The following OPHN1 variants were observed in gnomAD, a reference collection of about 807,000 sequenced individuals.
OPHN1 encodes oligophrenin-1.
In OPHN1, 11 loss-of-function variants were observed where a neutral mutation model predicts 60.7. That is an observed-to-expected ratio of 0.18 (90% CI 0.11 to 0.30). OPHN1 has a LOEUF of 0.30. Ranked by LOEUF, OPHN1 falls within the 10% of genes least tolerant of loss-of-function variation. The probability of loss-of-function intolerance (pLI) is 1.00; values close to 1 mark genes in which losing one functional copy is unlikely to be tolerated. For missense variants in OPHN1, 449 were observed against 611.0 expected (o/e 0.73, Z 2.80); for synonymous variants, 226 against 222.6 (o/e 1.02, Z -0.14).
chrX:68,078,056 T>A (rs1387736996), intron 19 of OPHN1, among the ~76,000 whole-genome samples: 1 of 111,720 alleles, frequency 9.0e-6, no homozygotes, highest in African/African-American at 3.3e-5. Flanking sequence ...ACATGAGTAT[T>A]TGTCTAGCTT....
Position 68,411,008 on chromosome X carries a change from C to A in OPHN1, c.154+21859G>T, listed in dbSNP as rs778647207. Among the ~76,000 whole-genome samples, 4 of 112,170 alleles carry A rather than the reference C, an allele frequency of 3.6e-5. No homozygotes were observed. The South Asian group carries it at 1.5e-3, about 42-fold the overall frequency. On this transcript the variant is annotated intron_variant, in intron 2 of 24. Coordinates refer to ENST00000355520, the MANE Select transcript of OPHN1 (RefSeq NM_002547.3). Reference sequence around the variant, plus strand: ...ATCAGGGCTAAGGGAAAACTCCCTCCATCCTTGCTGGTTCTCTGAAAAATC... The same window carrying A: ...ATCAGGGCTAAGGGAAAACTCCCTCAATCCTTGCTGGTTCTCTGAAAAATC...
At chrX:68,172,384 A>G (rs1199510511) in intron 15 of OPHN1, among the ~76,000 whole-genome samples, 1 of 112,006 alleles carries the variant, frequency 8.9e-6, no homozygotes, top group Non-Finnish European at 1.9e-5. Context: ...TCATAATTCC[A>G]TTTTTATGAA....
chrX:68,140,867 T>C (rs1241837283), intron 15 of OPHN1, among the ~76,000 whole-genome samples: 2 of 111,362 alleles, frequency 1.8e-5, no homozygotes, highest in African/African-American at 6.5e-5. Flanking sequence ...TACTGATAGA[T>C]GCAGCTAACT....
At chrX:68,266,178 C>A (rs760347196) in intron 5 of OPHN1, among the ~76,000 whole-genome samples, 1 of 110,537 alleles carries the variant, frequency 9.0e-6, no homozygotes, top group Admixed American at 9.6e-5. Flanking sequence ...ATACAGAGAA[C>A]GCCACAAAGA....
At chrX:68,330,095 T>C (rs2078287012) in intron 2 of OPHN1, among the ~76,000 whole-genome samples, 1 of 105,740 alleles carries the variant, frequency 9.5e-6, no homozygotes, top group South Asian at 4.1e-4. Context: ...CTTCTTTTTC[T>C]TTTTTTTTTT....
Position 68,377,479 on chromosome X carries a change from G to A in OPHN1, c.154+55388C>T, listed in dbSNP as rs1452833885. On this transcript the variant is annotated intron_variant, in intron 2 of 24. Transcript: ENST00000355520. ...AAGTTCTAGGGTACATGTGCATAAT[G>A]TGCAGGTTAGTTACATATGTATACA... Among the ~76,000 whole-genome samples, 10 of 105,658 alleles carry A rather than the reference G, an allele frequency of 9.5e-5. No individual in the cohort carries two copies. In the South Asian group the frequency reaches 1.3e-3, roughly 14 times the overall value. The allele number at this position is 105,658 out of a possible 115,157, so 91.8% of individuals were successfully genotyped here. A position where few individuals can be genotyped will look rare whatever the true frequency, so the allele number is the denominator to read the frequency against.
intron 2 of OPHN1, among the ~76,000 whole-genome samples, chrX:68,374,540 C>A (rs754663970): frequency 1.3e-4 from 14 of 110,332 alleles, no homozygotes; most frequent in African/African-American, 4.6e-4. Flanking sequence ...CAGCCTTGAT[C>A]TCTCCAGCTG....
chrX:68,270,182 A>G lies in OPHN1; in HGVS notation c.384+4556T>C, dbSNP rs1257665603. ...CAACCCTTGTGGAAGTCAGTGTGGC[A>G]ATTCCTCAGGGATCTAGAACTAGAA... On this transcript the variant is annotated intron_variant, in intron 5 of 24. Transcript: ENST00000355520. 2.1e-4 allele frequency among the ~76,000 whole-genome samples: 23 copies of G among 111,292 alleles called. No individual in the cohort carries two copies. The East Asian group carries it at 2.9e-3, about 14-fold the overall frequency.
chrX:68,108,734 T>C (rs1356950693), intron 18 of OPHN1, among the ~76,000 whole-genome samples: 1 of 112,051 alleles, frequency 8.9e-6, no homozygotes, highest in Non-Finnish European at 1.9e-5. Flanking sequence ...AAATAATTGC[T>C]TTCTCTCTGT....
chrX:68,126,652 C>A (rs909811410), intron 15 of OPHN1, among the ~76,000 whole-genome samples: 2 of 111,438 alleles, frequency 1.8e-5, no homozygotes, highest in African/African-American at 6.5e-5. Context: ...ACCATATTGG[C>A]CAGAATGGTC....
chrX:68,430,459 G>A (rs909961087), intron 2 of OPHN1, among the ~76,000 whole-genome samples: 1 of 111,317 alleles, frequency 9.0e-6, no homozygotes, highest in Admixed American at 9.7e-5. Context: ...AATATCTCTT[G>A]GATCTTCTGC....
chrX:68,344,535 C>A (rs2078369747), intron 2 of OPHN1, among the ~76,000 whole-genome samples: 1 of 108,950 alleles, frequency 9.2e-6, no homozygotes, highest in Non-Finnish European at 1.9e-5. Context: ...TCACTTGAAC[C>A]CAGGAGGCAG....
At chrX:68,113,134 A>T in intron 17 of OPHN1, 47 bp downstream of exon 17, 1 of 1,100,621 alleles carries the variant, frequency 9.1e-7, no homozygotes. Context: ...TGCAGTAAAC[A>T]TTAAGAAACT....
chrX:68,195,783 G>T (rs1198727231), intron 12 of OPHN1, among the ~76,000 whole-genome samples: 1 of 111,732 alleles, frequency 8.9e-6, no homozygotes, highest in African/African-American at 3.3e-5. Flanking sequence ...TTTTGTGCCA[G>T]CCAGCCTTTT....
chrX:68,078,754 G>A (rs1023181970), intron 19 of OPHN1, among the ~76,000 whole-genome samples: 1 of 110,556 alleles, frequency 9.0e-6, no homozygotes, highest in African/African-American at 3.3e-5. Context: ...GGGAGGCTGA[G>A]GCAGGCGGAT....
intron 2 of OPHN1, among the ~76,000 whole-genome samples, chrX:68,425,449 A>T (rs1184221666): frequency 8.9e-6 from 1 of 112,202 alleles, no homozygotes; most frequent in Admixed American, 9.5e-5. Flanking sequence ...AATTTTATAA[A>T]ATGGGAAAAC....
rs1569245046 is a variant in OPHN1 at position 68,213,928 on chromosome X, G to A, written c.531C>T (p.Ser177=). The stretch of plus-strand genomic sequence containing the variant: ...GGATTTGATAAACATAATCAAGAGA[G>A]GACTCGAAAAAATTGTGCCTCTCCT... ...VDKERHNFFE[S]SLDYVYQIQE... is the part of the protein sequence containing the mutation. The change falls in exon 7 of 25, where the codon TCC becomes TCT. Residue 177 remains serine, a synonymous_variant. Coordinates refer to ENST00000355520, the MANE Select transcript of OPHN1 (RefSeq NM_002547.3). The A allele has an allele frequency of 8.3e-7, 1 of 1,206,169 alleles. No homozygotes were observed. The highest frequency in any genetic ancestry group is 3.0e-5 in the East Asian group (1 of 33,773).
chrX:68,392,358 C>A (rs1476907134), intron 2 of OPHN1, among the ~76,000 whole-genome samples: 1 of 111,236 alleles, frequency 9.0e-6, no homozygotes, highest in Non-Finnish European at 1.9e-5. Flanking sequence ...ATAAGCCTTC[C>A]GGTCAATGGT....
At chrX:68,347,887 A>G (rs1312229160) in intron 2 of OPHN1, among the ~76,000 whole-genome samples, 1 of 112,087 alleles carries the variant, frequency 8.9e-6, no homozygotes, top group Admixed American at 9.5e-5. Context: ...GAAAAGACAC[A>G]TGGATTTTGG....
Sources: allele counts gnomAD v4.1 joint callset (sites outside exome capture counted in the v4.1 genomes callset), GRCh38; gene constraint gnomAD v4.1.1; transcripts MANE v1.5; gene names NCBI Gene and HGNC (gene_info 2026-07-23, HGNC 2026-07-21).